SPIN2A: variants seen among roughly 807,000 people sequenced by gnomAD.
SPIN2A encodes spindlin family member 2A, also known as spindlin-2A.
Under a neutral mutation model 9.2 loss-of-function variants are expected in SPIN2A, and 4 were observed. The observed-to-expected ratio is 0.44, with a 90% CI of 0.21 to 1.00. The LOEUF (loss-of-function observed/expected upper bound fraction) is 1.00, where lower values mean the gene tolerates loss of function less well. SPIN2A is among the 50% of genes least tolerant of loss of function. The pLI is 0.26. For missense variants in SPIN2A, 77 were observed against 172.8 expected (o/e 0.45, Z 3.11); for synonymous variants, 25 against 61.2 (o/e 0.41, Z 2.76).
rs1231008182 is a variant in SPIN2A at position 57,135,740 on chromosome X, G to A, written c.*81C>T. 452 of 1,164,637 alleles carry A rather than the reference G, an allele frequency of 3.9e-4. 1 individual carries two copies. The highest frequency in any genetic ancestry group is 1.4e-3 in the South Asian group (66 of 48,762). ...TTATCAGGGATTCCATAAGCTTTCA[G>A]TACACTGAAAGGCAACATTTTTTGC... On this transcript the variant is annotated 3_prime_UTR_variant, in exon 2 of 2. Coordinates refer to ENST00000374906, the MANE Select transcript of SPIN2A (RefSeq NM_019003.5).
chrX:57,140,417 C>CAAAAAAAA (rs60570721), upstream of SPIN2A, among the ~76,000 whole-genome samples: 2 of 64,824 alleles, frequency 3.1e-5, no homozygotes, highest in African/African-American at 6.6e-5. Flanking sequence ...CCATCTCTAC[C>CAAAAAAAA]AAAAAAAAAA....
At chrX:57,139,675 C>T (rs1475784853), upstream of SPIN2A, among the ~76,000 whole-genome samples, 7 of 111,256 alleles carry the variant, frequency 6.3e-5, no homozygotes, top group African/African-American at 2.0e-4. Flanking sequence ...AGGATGGTCT[C>T]GATCTCCTGA....
the SPIN2A span, among the ~76,000 whole-genome samples, chrX:57,144,628 G>A: frequency 9.1e-6 from 1 of 109,730 alleles, no homozygotes; most frequent in East Asian, 2.8e-4. Context: ...CACCCGAGCA[G>A]TTTACACTGA....
chrX:57,143,419 C>G, the SPIN2A span, among the ~76,000 whole-genome samples: 1 of 110,386 alleles, frequency 9.1e-6, no homozygotes, highest in East Asian at 2.8e-4. Flanking sequence ...TCCCCCCTTA[C>G]GACTTTTTGT....
the SPIN2A span, among the ~76,000 whole-genome samples, chrX:57,145,105 T>C: frequency 8.9e-6 from 1 of 112,024 alleles, no homozygotes; most frequent in South Asian, 3.7e-4. Context: ...ATGTTAGTTC[T>C]ACTTTTAGTT....
chrX:57,138,262 C>T (rs1234028016), upstream of SPIN2A, among the ~76,000 whole-genome samples: 1 of 111,070 alleles, frequency 9.0e-6, no homozygotes, highest in Non-Finnish European at 1.9e-5. Flanking sequence ...TGAAAATAAT[C>T]AACAATATTA....
chrX:57,144,348 A>ATT, the SPIN2A span, among the ~76,000 whole-genome samples: 9 of 107,739 alleles, frequency 8.4e-5, no homozygotes, highest in Non-Finnish European at 1.7e-4. Context: ...GGATATTTAT[A>ATT]TTTTTTCTCA....
At chrX:57,139,571 A>G (rs1331391389), upstream of SPIN2A, among the ~76,000 whole-genome samples, 3 of 110,998 alleles carry the variant, frequency 2.7e-5, no homozygotes, top group Non-Finnish European at 3.8e-5. Flanking sequence ...CTCCTGCCTC[A>G]GCCTCCCGAG....
the SPIN2A span, among the ~76,000 whole-genome samples, chrX:57,144,986 G>A: frequency 9.0e-6 from 1 of 110,808 alleles, no homozygotes; most frequent in Non-Finnish European, 1.9e-5. Flanking sequence ...GAACATTTGG[G>A]CTGGTTCCAC....
the SPIN2A span, among the ~76,000 whole-genome samples, chrX:57,143,665 A>AG: frequency 0.011 from 1,188 of 110,564 alleles, 10 homozygotes; most frequent in South Asian, 0.023. Context: ...TTTGGTAGAC[A>AG]GGGGGTTTCT....
At chrX:57,139,837 T>C (rs1927950520), upstream of SPIN2A, among the ~76,000 whole-genome samples, 3 of 111,928 alleles carry the variant, frequency 2.7e-5, no homozygotes, top group South Asian at 1.1e-3. Flanking sequence ...TTGGCCATTC[T>C]GATCCTTCTG....
the SPIN2A span, among the ~76,000 whole-genome samples, chrX:57,146,618 A>T: frequency 8.9e-6 from 1 of 111,846 alleles, no homozygotes; most frequent in Non-Finnish European, 1.9e-5. Context: ...AGAAGTGGTG[A>T]GAGTGGGCAT....
chrX:57,142,662 A>T, the SPIN2A span, among the ~76,000 whole-genome samples: 5 of 111,064 alleles, frequency 4.5e-5, no homozygotes, highest in South Asian at 1.5e-3. Flanking sequence ...TTCTTTGTTA[A>T]TTTTTTTGTC....
downstream of SPIN2A, chrX:57,134,693 C>G (rs1230167896): frequency 9.0e-6 from 1 of 111,640 alleles, no homozygotes; most frequent in Non-Finnish European, 1.9e-5. Flanking sequence ...TGGCACATCT[C>G]TTAAGTTCTG....
upstream of SPIN2A, chrX:57,137,722 T>A (rs1193952525): frequency 9.0e-6 from 1 of 111,147 alleles, no homozygotes; most frequent in East Asian, 2.8e-4. Context: ...CTCTAGCCCC[T>A]CCCCTCAGCT....
downstream of SPIN2A, chrX:57,134,856 C>G (rs1389024114): frequency 9.0e-6 from 1 of 111,458 alleles, no homozygotes; most frequent in African/African-American, 3.3e-5. Flanking sequence ...CATTAACTCC[C>G]TGAAACAGGA....
At chrX:57,137,517 C>T (rs975989888), upstream of SPIN2A, 1 of 144,337 alleles carries the variant, frequency 6.9e-6, no homozygotes, top group African/African-American at 3.2e-5. Context: ...TAGTCTCTGC[C>T]CTTTTTCTGC....
chrX:57,142,441 T>C (rs1336587239), upstream of SPIN2A, among the ~76,000 whole-genome samples: 2 of 112,619 alleles, frequency 1.8e-5, no homozygotes, highest in Non-Finnish European at 3.8e-5. Context: ...ATTTCTATTG[T>C]TTTATTCCAT....
chrX:57,139,223 G>A, upstream of SPIN2A, among the ~76,000 whole-genome samples: 1 of 112,015 alleles, frequency 8.9e-6, no homozygotes. Flanking sequence ...TTTGATTTGA[G>A]TGTTGTATAT....
Sources: gnomAD v4.1 joint callset for allele counts (sites outside exome capture counted in the v4.1 genomes callset) on GRCh38, gnomAD v4.1.1 for gene constraint, MANE v1.5 for transcripts, NCBI Gene and HGNC (gene_info 2026-07-23, HGNC 2026-07-21) for gene names.